PDE11A: variants seen among roughly 807,000 people sequenced by gnomAD.
The protein encoded by PDE11A is dual 3',5'-cyclic-AMP and -GMP phosphodiesterase 11A.
In PDE11A, 100 loss-of-function variants were observed where a neutral mutation model predicts 100.5. That is an observed-to-expected ratio of 1.00 (90% CI 0.85 to 1.18). The LOEUF (loss-of-function observed/expected upper bound fraction) is 1.18. Ranked by LOEUF, PDE11A falls within the 50% of genes most tolerant of loss-of-function variation. The pLI is 0.00. For synonymous variants in PDE11A, 381 were observed against 420.8 expected, an observed-to-expected ratio of 0.91 and a Z score of 1.16; for missense variants, 1,141 against 1,152.6, an observed-to-expected ratio of 0.99 and a Z score of 0.15.
intron 12 of PDE11A, 31 bp from the exon 13 acceptor site, chr2:177,711,909 C>A (rs146823848): frequency 8.8e-7 from 1 of 1,131,920 alleles, no homozygotes; most frequent in Non-Finnish European, 1.3e-6. Flanking sequence ...GCAACAGTCA[C>A]TACTGGGGTA....
chr2:177,797,880 A>G (rs749800210), intron 9 of PDE11A, among the ~76,000 whole-genome samples: 5 of 152,360 alleles, frequency 3.3e-5, no homozygotes, highest in Middle Eastern at 3.4e-3. Context: ...AGCTGCCAAC[A>G]TGATCTCTCT....
intron 19 of PDE11A, among the ~76,000 whole-genome samples, chr2:177,650,785 T>G (rs1458236721): frequency 6.6e-6 from 1 of 152,156 alleles, no homozygotes; most frequent in African/African-American, 2.4e-5. Flanking sequence ...TCAGGTCACT[T>G]AATAGTGACC....
chr2:178,025,362 T>C (rs1188207175), intron 1 of PDE11A, among the ~76,000 whole-genome samples: 2 of 152,214 alleles, frequency 1.3e-5, no homozygotes, highest in African/African-American at 2.4e-5. Flanking sequence ...AATAATTTGA[T>C]ATGAAGTTTC....
chr2:177,999,284 G>C (rs1008086497), intron 2 of PDE11A, among the ~76,000 whole-genome samples: 2 of 152,180 alleles, frequency 1.3e-5, no homozygotes, highest in Non-Finnish European at 2.9e-5. Context: ...GACATTTATA[G>C]GTTCATCCAA....
intron 1 of PDE11A, among the ~76,000 whole-genome samples, chr2:178,019,059 T>C (rs1410473950): frequency 2.0e-5 from 3 of 152,250 alleles, no homozygotes; most frequent in Non-Finnish European, 4.4e-5. Flanking sequence ...TCCTGTATTT[T>C]TCCTGATAAG....
intron 1 of PDE11A, among the ~76,000 whole-genome samples, chr2:178,040,061 C>CT (rs5836641): frequency 0.46 from 50,901 of 109,694 alleles, 13,264 homozygotes; most frequent in East Asian, 0.61. Context: ...AATGTAGTGG[C>CT]TTTTTTTTTT....
At chr2:177,681,891 C>A (rs1342187107) in intron 15 of PDE11A, among the ~76,000 whole-genome samples, 1 of 152,178 alleles carries the variant, frequency 6.6e-6, no homozygotes, top group Non-Finnish European at 1.5e-5. Flanking sequence ...AGTATTTTAT[C>A]CCAAAATATA....
chr2:177,946,441 C>G (rs1574299462), intron 2 of PDE11A, among the ~76,000 whole-genome samples: 6 of 52,214 alleles, frequency 1.1e-4, no homozygotes, highest in African/African-American at 1.8e-4. Flanking sequence ...CCAGCCGCCC[C>G]GTCCGGGAGG....
chr2:178,037,110 T>G (rs1012553110), intron 1 of PDE11A, among the ~76,000 whole-genome samples: 1 of 152,192 alleles, frequency 6.6e-6, no homozygotes, highest in Non-Finnish European at 1.5e-5. Flanking sequence ...AAAAAATGTT[T>G]GCAATCTATC....
At chr2:177,869,975 A>T (rs117845189) in intron 5 of PDE11A, among the ~76,000 whole-genome samples, 343 of 152,332 alleles carry the variant, frequency 2.3e-3, no homozygotes, top group East Asian at 0.017. Context: ...AAAATTTTTG[A>T]CAAATTGATG....
rs533401077 is a variant in PDE11A at position 177,686,027 on chromosome 2, C to A, written c.2346-5124G>T. Reference sequence around the variant, plus strand: ...AGTCATAGACTTCACATCACATTAGCAACACTAGGACAAAAGGGAACATCC... The same window carrying A: ...AGTCATAGACTTCACATCACATTAGAAACACTAGGACAAAAGGGAACATCC... On this transcript the variant is annotated intron_variant, in intron 15 of 19. Coordinates refer to ENST00000286063, the MANE Select transcript of PDE11A (RefSeq NM_016953.4). 7.9e-5 allele frequency among the ~76,000 whole-genome samples: 12 copies of A among 152,264 alleles called. No homozygotes were observed. In the East Asian group the frequency reaches 2.3e-3, roughly 29 times the overall value.
intron 5 of PDE11A, among the ~76,000 whole-genome samples, chr2:177,860,747 A>C (rs1206840003): frequency 1.3e-5 from 2 of 151,776 alleles, no homozygotes; most frequent in East Asian, 3.8e-4. Flanking sequence ...ACCATGACTG[A>C]ATGGCATTTA....
intron 4 of PDE11A, among the ~76,000 whole-genome samples, chr2:177,885,468 G>A (rs1482658302): frequency 6.6e-6 from 1 of 152,144 alleles, no homozygotes; most frequent in Non-Finnish European, 1.5e-5. Context: ...GATACTGAGG[G>A]ATGACTGTGT....
intron 2 of PDE11A, among the ~76,000 whole-genome samples, chr2:177,906,308 A>G (rs2084787954): frequency 6.6e-6 from 1 of 152,208 alleles, no homozygotes; most frequent in Admixed American, 6.5e-5. Flanking sequence ...GAGGGACGAC[A>G]GCAGCCTCCA....
At chr2:177,990,271 T>C (rs2085986546) in intron 2 of PDE11A, among the ~76,000 whole-genome samples, 1 of 152,208 alleles carries the variant, frequency 6.6e-6, no homozygotes, top group African/African-American at 2.4e-5. Context: ...CACTTGTATA[T>C]GGAATTTTCT....
At chr2:178,079,145 CTTT>C (rs1411684699) in intron 2 of PDE11A, among the ~76,000 whole-genome samples, 1 of 152,110 alleles carries the variant, frequency 6.6e-6, no homozygotes, top group Non-Finnish European at 1.5e-5. Flanking sequence ...ACAACAGATT[CTTT>C]TTTTCTTCAA....
intron 9 of PDE11A, among the ~76,000 whole-genome samples, chr2:177,793,556 AAAAAG>A (rs2082662073): frequency 1.4e-5 from 2 of 141,534 alleles, no homozygotes; most frequent in African/African-American, 2.7e-5. Context: ...AAAAAAAAAA[AAAAAG>A]AGCTCCACTC....
intron 17 of PDE11A, among the ~76,000 whole-genome samples, chr2:177,673,426 G>A (rs1367874804): frequency 2.0e-5 from 3 of 152,222 alleles, no homozygotes; most frequent in Admixed American, 1.3e-4. Context: ...ACACCTCACA[G>A]TGAGTACCCA....
chr2:177,632,485 T>C (rs1245350963), intron 19 of PDE11A, among the ~76,000 whole-genome samples: 1 of 152,214 alleles, frequency 6.6e-6, no homozygotes, highest in Non-Finnish European at 1.5e-5. Context: ...ACAACTCTCA[T>C]GAATTCTGAC....
Sources: allele counts gnomAD v4.1 joint callset (sites outside exome capture counted in the v4.1 genomes callset), GRCh38; gene constraint gnomAD v4.1.1; transcripts MANE v1.5; gene names NCBI Gene and HGNC (gene_info 2026-07-23, HGNC 2026-07-21).